The following ACTL7B variants were observed in gnomAD, a reference collection of about 807,000 sequenced individuals.
ACTL7B encodes the protein actin like 7B, also known as actin-like protein 7B.
Under a neutral mutation model 17.5 loss-of-function variants are expected in ACTL7B, and 14 were observed. That is an observed-to-expected ratio of 0.80 (90% CI 0.53 to 1.25). ACTL7B has a LOEUF of 1.25. Ranked by LOEUF, ACTL7B falls within the 50% of genes most tolerant of loss-of-function variation. The pLI, the probability that ACTL7B is intolerant of heterozygous loss-of-function variation, is 0.00. For missense variants in ACTL7B, 599 were observed against 573.9 expected (o/e 1.04, Z -0.45); for synonymous variants, 267 against 252.4 (o/e 1.06, Z -0.55).
Position 108,855,718 on chromosome 9 carries a change from G to T in ACTL7B, c.213C>A (p.Pro71=). Residue 71 remains proline (P), a synonymous_variant, in exon 1 of 1, where the codon CCC becomes CCA. Coordinates refer to ENST00000374667, the MANE Select transcript of ACTL7B (RefSeq NM_006686.4). ...CCACGGTGGAGGAGATGAAGTAGGT[G>T]GGCCTCGGCTCTCCCGCGTAGCCGC... The part of the protein sequence containing the change: ...CKCGYAGEPR[P]TYFISSTVGK... 1 of 1,609,764 alleles carries T rather than the reference G, an allele frequency of 6.2e-7. No individual in the cohort carries two copies. The highest frequency in any genetic ancestry group is 8.5e-7 in the Non-Finnish European group (1 of 1,179,972).
rs1374035838 is a variant in ACTL7B, at chr9:108,855,964, C to T, written c.-34G>A. 11 of 1,533,134 alleles carry T rather than the reference C, an allele frequency of 7.2e-6. No homozygotes were observed. Among genetic ancestry groups the T allele is most frequent in the Non-Finnish European group, 9.6e-6 (11 of 1,144,420 alleles). The allele number at this position is 1,533,134 out of a possible 1,614,324, so 95.0% of individuals were successfully genotyped here. On this transcript the variant is annotated 5_prime_UTR_variant, in exon 1 of 1. Coordinates refer to ENST00000374667, the MANE Select transcript of ACTL7B (RefSeq NM_006686.4). ...CTTGCTCCCCTTCTCACATCCACAG[C>T]CTAGAGCCCCCTGGGGAGAAATGAG...
In ACTL7B at chr9:108,854,934, C is replaced by T. The variant is rs751666825; in HGVS notation, c.997G>A (p.Glu333Lys). Residue 333 changes from glutamate (E) to lysine (K), a missense_variant, in exon 1 of 1, where the codon GAG (glutamate) becomes AAG (lysine). By Grantham distance (56) the Glu-to-Lys change is moderately conservative. Transcript: ENST00000374667. ...AGTAGCACGTTGGCGGCCATCTCCT[C>T]CTTGAAGCCCGTGTCCTGGCAGCGG... ...LGRCQDTGFKEEMAANVLLCG... is the reference protein window; with the variant it reads ...LGRCQDTGFKKEMAANVLLCG... 4.6e-6 allele frequency: 7 copies of T among 1,516,392 alleles called. No individual in the cohort carries two copies. The highest frequency in any genetic ancestry group is 4.2e-5 in the African/African-American group (3 of 71,880). 93.9% of individuals were successfully genotyped at this position (1,516,392 alleles called of 1,614,324 possible). A position where few individuals can be genotyped will look rare whatever the true frequency, so the allele number is the denominator to read the frequency against.
chr9:108,855,259 G>A lies in ACTL7B; in HGVS notation c.672C>T (p.Tyr224=), dbSNP rs138281895. 4 of 1,596,608 alleles carry A rather than the reference G, an allele frequency of 2.5e-6. No homozygotes were observed. The highest frequency in any genetic ancestry group is 2.2e-5 in the East Asian group (1 of 44,710). ...GGTAGTTGGTGAGGTCACCCCCAGC[G>A]TAGTCGGCGCGGCTGGTCAGGCCCG... ...VLPGLTSRAD[Y]AGGDLTNYLM... The change falls in exon 1 of 1, where the codon TAC becomes TAT. Residue 224 remains tyrosine, a synonymous_variant. Coordinates refer to ENST00000374667, the MANE Select transcript of ACTL7B (RefSeq NM_006686.4).
At position 108,855,495 on chromosome 9, in the gene ACTL7B, C is replaced by A; in HGVS notation, c.436G>T (p.Ala146Ser). The part of the protein sequence containing the change: ...TAMKILPEEH[A>S]VLVSDPPLSP... Reference sequence around the variant, plus strand: ...AGCGGAGGGTCGGAGACCAGCACAGCGTGCTCCTCGGGGAGGATCTTCATG... The same window carrying A: ...AGCGGAGGGTCGGAGACCAGCACAGAGTGCTCCTCGGGGAGGATCTTCATG... The change falls in exon 1 of 1, where the codon GCT (alanine) becomes TCT (serine). Residue 146 changes from alanine to serine, a missense_variant. Coordinates refer to ENST00000374667, the MANE Select transcript of ACTL7B (RefSeq NM_006686.4). The A allele has an allele frequency of 6.2e-7, 1 of 1,613,492 alleles. No individual in the cohort carries two copies. Among genetic ancestry groups the A allele is most frequent in the Non-Finnish European group, 8.5e-7 (1 of 1,180,038 alleles).
rs1408769817 is a variant in ACTL7B, at chr9:108,855,617, G to A, written c.314C>T (p.Thr105Met). The change falls in exon 1 of 1, where the codon ACG becomes ATG. Residue 105 changes from threonine (T) to methionine (M), a missense_variant. By Grantham distance (81) the Thr-to-Met change is moderately conservative. Transcript: ENST00000374667. ...WTLVGHELLN[T>M]EAPLKLVNPL... ...GTTCACCAGCTTGAGAGGCGCCTCC[G>A]TGTTGAGCAGCTCATGGCCCACTAA... The A allele has an allele frequency of 6.2e-7, 1 of 1,613,602 alleles. No homozygotes were observed. The highest frequency in any genetic ancestry group is 8.5e-7 in the Non-Finnish European group (1 of 1,180,044).
At position 108,855,734 on chromosome 9, in the gene ACTL7B, G is replaced by A. The variant is rs150446824; in HGVS notation, c.197C>T (p.Ala66Val). The A allele has an allele frequency of 1.7e-5, 27 of 1,608,702 alleles. No homozygotes were observed. The highest frequency in any genetic ancestry group is 7.7e-5 in the South Asian group (7 of 91,068). The change falls in exon 1 of 1, where the codon GCG becomes GTG. Residue 66 changes from alanine (A) to valine (V), a missense_variant. By Grantham distance (64) the Ala-to-Val change is moderately conservative. Coordinates refer to ENST00000374667, the MANE Select transcript of ACTL7B (RefSeq NM_006686.4). ...LGSQYCKCGY[A>V]GEPRPTYFIS... Reference sequence around the variant, plus strand: ...GAAGTAGGTGGGCCTCGGCTCTCCCGCGTAGCCGCACTTGCAGTACTGGGA... The same window carrying A: ...GAAGTAGGTGGGCCTCGGCTCTCCCACGTAGCCGCACTTGCAGTACTGGGA...
Position 108,855,757 on chromosome 9 carries a change from G to C in ACTL7B, c.174C>G (p.Ser58=). 1 of 1,609,436 alleles carries C rather than the reference G, an allele frequency of 6.2e-7. No homozygotes were observed. The highest frequency in any genetic ancestry group is 8.5e-7 in the Non-Finnish European group (1 of 1,179,974). Residue 58 remains serine, a synonymous_variant, in exon 1 of 1, where the codon TCC becomes TCG. Transcript: ENST00000374667. ...CCGCGTAGCCGCACTTGCAGTACTG[G>C]GAGCCCAGGTCGATGATGACCGCCT... is the stretch of plus-strand genomic sequence containing the variant. ...KIKAVIIDLG[S]QYCKCGYAGE... is the part of the protein sequence containing the mutation.
In ACTL7B at chr9:108,855,522, C is replaced by A. The variant is rs758754533; in HGVS notation, c.409G>T (p.Ala137Ser). The A allele has an allele frequency of 1.9e-6, 3 of 1,613,424 alleles. No individual in the cohort carries two copies. The highest frequency in any genetic ancestry group is 2.5e-6 in the Non-Finnish European group (3 of 1,180,040). ...QDIWEYIFRTAMKILPEEHAV... is the reference protein window; with the variant it reads ...QDIWEYIFRTSMKILPEEHAV... ...TGCTCCTCGGGGAGGATCTTCATGG[C>A]GGTGCGGAAGATGTACTCCCAGATG... Residue 137 changes from alanine to serine, a missense_variant, in exon 1 of 1, where the codon GCC (alanine) becomes TCC (serine). Coordinates refer to ENST00000374667, the MANE Select transcript of ACTL7B (RefSeq NM_006686.4).
At position 108,854,846 on chromosome 9, in the gene ACTL7B, A is replaced by T; in HGVS notation, c.1085T>A (p.Leu362His). ...CACTGCAGGGCTGTCCCCGGGGCAGAGGAGGCTCAGCTCCCTCTGGAAGCG... is the reference window on the plus strand; with the variant it reads ...CACTGCAGGGCTGTCCCCGGGGCAGTGGAGGCTCAGCTCCCTCTGGAAGCG... Reference protein sequence around the residue: ...PERFQRELSLLCPGDSPAVAA... With the variant: ...PERFQRELSLHCPGDSPAVAA... Residue 362 changes from leucine (L) to histidine (H), a missense_variant, in exon 1 of 1, where the codon CTC becomes CAC. Physicochemically the swap from Leu to His is moderately conservative, Grantham distance 99. Coordinates refer to ENST00000374667, the MANE Select transcript of ACTL7B (RefSeq NM_006686.4). The T allele has an allele frequency of 6.3e-7, 1 of 1,579,408 alleles. No homozygotes were observed. Among genetic ancestry groups the T allele is most frequent in the Non-Finnish European group, 8.6e-7 (1 of 1,161,820 alleles).
Position 108,855,784 on chromosome 9 carries a change from G to C in ACTL7B, c.147C>G (p.Ile49Met), listed in dbSNP as rs374071718. The C allele has an allele frequency of 2.5e-6, 4 of 1,610,238 alleles. No homozygotes were observed. The highest frequency in any genetic ancestry group is 4.5e-5 in the East Asian group (2 of 44,886). Residue 49 changes from isoleucine to methionine, a missense_variant, in exon 1 of 1, where the codon ATC becomes ATG. Coordinates refer to ENST00000374667, the MANE Select transcript of ACTL7B (RefSeq NM_006686.4). ...LKMKPRKVHK[I>M]KAVIIDLGSQ... ...AGCCCAGGTCGATGATGACCGCCTT[G>C]ATCTTGTGCACCTTCCTGGGCTTCA...
rs774565163 is a variant in ACTL7B, at chr9:108,854,700, T to TCTA, written c.1230_1231insTAG (p.Ala410_Ile411insTer). 6.6e-7 allele frequency: 1 copy of TCTA among 1,513,640 alleles called. No homozygotes were observed. Among genetic ancestry groups the TCTA allele is most frequent in the Non-Finnish European group, 8.8e-7 (1 of 1,129,968 alleles). 93.8% of individuals were successfully genotyped at this position (1,513,640 alleles called of 1,614,324 possible). On this transcript the variant is annotated stop_gained and inframe_insertion, in exon 1 of 1. Transcript: ENST00000374667. LOFTEE classifies it high-confidence loss of function. Reference sequence around the variant, plus strand: ...GCCGAGGCTCAGCACTTGCTGTAGATGGCCACGCTGCCCCGCTCCTCAAAC... The same window carrying TCTA: ...GCCGAGGCTCAGCACTTGCTGTAGATCTAGGCCACGCTGCCCCGCTCCTCAAAC...
Position 108,855,587 on chromosome 9 carries a change from A to G in ACTL7B, c.344T>C (p.Leu115Pro). Residue 115 changes from leucine (L) to proline (P), a missense_variant, in exon 1 of 1, where the codon CTG becomes CCG. Coordinates refer to ENST00000374667, the MANE Select transcript of ACTL7B (RefSeq NM_006686.4). ...CCAGTCCACCACGATGCCGTGCTTC[A>G]GCGGGTTCACCAGCTTGAGAGGCGC... Reference protein sequence around the residue: ...TEAPLKLVNPLKHGIVVDWDC... With the variant: ...TEAPLKLVNPPKHGIVVDWDC... The G allele has an allele frequency of 6.2e-7, 1 of 1,613,822 alleles. No homozygotes were observed. The highest frequency in any genetic ancestry group is 8.5e-7 in the Non-Finnish European group (1 of 1,180,034).
In ACTL7B at chr9:108,854,627, A is replaced by G. The variant is rs1452619748; in HGVS notation, c.*56T>C. The G allele has an allele frequency of 2.1e-6, 3 of 1,415,316 alleles. No homozygotes were observed. The highest frequency in any genetic ancestry group is 9.3e-7 in the Non-Finnish European group (1 of 1,078,378). The allele number at this position is 1,415,316 out of a possible 1,614,324, so 87.7% of individuals were successfully genotyped here. Reference sequence around the variant, plus strand: ...TTTATGTGAAATTCTGTAAATGTGTATAGAGAGGCCTGTGGCCATCTGTGC... The same window carrying G: ...TTTATGTGAAATTCTGTAAATGTGTGTAGAGAGGCCTGTGGCCATCTGTGC... On this transcript the variant is annotated 3_prime_UTR_variant, in exon 1 of 1. Coordinates refer to ENST00000374667, the MANE Select transcript of ACTL7B (RefSeq NM_006686.4).
At position 108,855,736 on chromosome 9, in the gene ACTL7B, G is replaced by T; in HGVS notation, c.195C>A (p.Tyr65Ter). 1 of 1,608,888 alleles carries T rather than the reference G, an allele frequency of 6.2e-7. No homozygotes were observed. ...DLGSQYCKCG[Y>*]AGEPRPTYFI... The stretch of plus-strand genomic sequence containing the variant: ...AGTAGGTGGGCCTCGGCTCTCCCGC[G>T]TAGCCGCACTTGCAGTACTGGGAGC... The change falls in exon 1 of 1, where the codon TAC (tyrosine) becomes TAA (stop). Residue 65 changes from tyrosine to a stop codon, truncating the protein, a stop_gained. Coordinates refer to ENST00000374667, the MANE Select transcript of ACTL7B (RefSeq NM_006686.4). LOFTEE classifies it high-confidence loss of function.
chr9:108,855,123 G>GCTC lies in ACTL7B; in HGVS notation c.805_807dup (p.Glu269dup), dbSNP rs754214697. The GCTC allele has an allele frequency of 6.2e-7, 1 of 1,608,880 alleles. No homozygotes were observed. Among genetic ancestry groups the GCTC allele is most frequent in the Non-Finnish European group, 8.5e-7 (1 of 1,177,806 alleles). On this transcript the variant is annotated inframe_insertion, in exon 1 of 1. Coordinates refer to ENST00000374667, the MANE Select transcript of ACTL7B (RefSeq NM_006686.4). ...CGCAGCTCCTCCGGGACCAGGCCCAGCTCCTCCTCGGGCAGGAAGGCCGCA... is the reference window on the plus strand; with the variant it reads ...CGCAGCTCCTCCGGGACCAGGCCCAGCTCCTCCTCCTCGGGCAGGAAGGCCGCA...
chr9:108,854,681 G>A lies in ACTL7B; in HGVS notation c.*2C>T. 1 of 1,502,908 alleles carries A rather than the reference G, an allele frequency of 6.7e-7. No homozygotes were observed. Among genetic ancestry groups the A allele is most frequent in the Non-Finnish European group, 8.9e-7 (1 of 1,124,348 alleles). 93.1% of individuals were successfully genotyped at this position (1,502,908 alleles called of 1,614,324 possible). ...AGGCCTTGTCTGTGGAAATGCCGAG[G>A]CTCAGCACTTGCTGTAGATGGCCAC... On this transcript the variant is annotated 3_prime_UTR_variant, in exon 1 of 1. Transcript: ENST00000374667.
chr9:108,855,480 C>A lies in ACTL7B; in HGVS notation c.451G>T (p.Asp151Tyr). ...TTGCTGCTGGGGCTGAGCGGAGGGT[C>A]GGAGACCAGCACAGCGTGCTCCTCG... ...LPEEHAVLVS[D>Y]PPLSPSSNRE... Residue 151 changes from aspartate to tyrosine, a missense_variant, in exon 1 of 1, where the codon GAC becomes TAC. Asp to Tyr is a radical substitution (Grantham distance 160, BLOSUM62 -3). Coordinates refer to ENST00000374667, the MANE Select transcript of ACTL7B (RefSeq NM_006686.4). 1 of 1,613,450 alleles carries A rather than the reference C, an allele frequency of 6.2e-7. No homozygotes were observed. Among genetic ancestry groups the A allele is most frequent in the Non-Finnish European group, 8.5e-7 (1 of 1,180,028 alleles).
rs150901542 is a variant in ACTL7B, at chr9:108,854,719, C to T, written c.1212G>A (p.Glu404=). The T allele has an allele frequency of 5.4e-5, 83 of 1,530,214 alleles. No homozygotes were observed. The highest frequency in any genetic ancestry group is 6.4e-5 in the Non-Finnish European group (73 of 1,138,606). The allele number at this position is 1,530,214 out of a possible 1,614,324, so 94.8% of individuals were successfully genotyped here. The change falls in exon 1 of 1, where the codon GAG becomes GAA. Residue 404 remains glutamate, a synonymous_variant. Transcript: ENST00000374667. ...QQLWVSKEEF[E]ERGSVAIYSK... ...TGTAGATGGCCACGCTGCCCCGCTC[C>T]TCAAACTCTTCCTTGCTGACCCAGA...
Position 108,855,839 on chromosome 9 carries a change from C to A in ACTL7B, c.92G>T (p.Arg31Leu). Reference sequence around the variant, plus strand: ...GAGCTGAGTGGCCGCACCTGTGTCCCGGAGGCTGGCGTCAGGGCCGGGCCG... The same window carrying A: ...GAGCTGAGTGGCCGCACCTGTGTCCAGGAGGCTGGCGTCAGGGCCGGGCCG... ...GTRPGPDASLRDTGAATQLKM... is the reference protein window; with the variant it reads ...GTRPGPDASLLDTGAATQLKM... Residue 31 changes from arginine to leucine, a missense_variant, in exon 1 of 1, where the codon CGG becomes CTG. Transcript: ENST00000374667. 1.2e-6 allele frequency: 2 copies of A among 1,611,452 alleles called. No homozygotes were observed. Among genetic ancestry groups the A allele is most frequent in the Non-Finnish European group, 8.5e-7 (1 of 1,179,958 alleles).
Sources: gnomAD v4.1 joint callset for allele counts on GRCh38, gnomAD v4.1.1 for gene constraint, MANE v1.5 for transcripts, NCBI Gene and HGNC (gene_info 2026-07-23, HGNC 2026-07-21) for gene names.